ATP13A4: variants seen among roughly 807,000 people sequenced by gnomAD.
ATP13A4 encodes probable cation-transporting ATPase 13A4.
Under a neutral mutation model 142.5 loss-of-function variants are expected in ATP13A4, and 114 were observed. The ratio of observed to expected loss-of-function variants is 0.80; its 90% CI spans 0.69 to 0.93. The LOEUF (loss-of-function observed/expected upper bound fraction) is 0.93. ATP13A4 is among the 40% of genes least tolerant of loss of function. The pLI is 0.00. For synonymous variants in ATP13A4, 488 were observed against 514.8 expected (o/e 0.95, Z 0.70); for missense variants, 1,392 against 1,454.0 (o/e 0.96, Z 0.69).
chr3:193,519,713 C>T (rs1721616309), intron 1 of ATP13A4, among the ~76,000 whole-genome samples: 4 of 138,728 alleles, frequency 2.9e-5, no homozygotes. Context: ...GGCGCAATCT[C>T]GGCTCACTGC....
intron 1 of ATP13A4, among the ~76,000 whole-genome samples, chr3:193,528,134 G>A (rs6799489): frequency 0.016 from 2,370 of 152,324 alleles, 44 homozygotes; most frequent in African/African-American, 0.049. Flanking sequence ...ATTGGTGCAT[G>A]TTGTGCAGAC....
intron 18 of ATP13A4, among the ~76,000 whole-genome samples, chr3:193,446,265 A>G (rs2176996): frequency 0.06 from 9,093 of 152,294 alleles, 485 homozygotes; most frequent in East Asian, 0.18. Flanking sequence ...TAAAAATGGA[A>G]AGACAGAGAA....
intron 2 of ATP13A4, among the ~76,000 whole-genome samples, chr3:193,563,623 G>T (rs967823941): frequency 4.6e-5 from 7 of 152,072 alleles, no homozygotes; most frequent in African/African-American, 1.7e-4. Context: ...GTGTAATTGC[G>T]CCACTGCACT....
At chr3:193,541,569 GA>G (rs748236998) in intron 1 of ATP13A4, among the ~76,000 whole-genome samples, 121 of 152,194 alleles carry the variant, frequency 8.0e-4, no homozygotes, top group Non-Finnish European at 1.3e-3. Context: ...CTGACCATCA[GA>G]TTGGAAATTC....
Position 193,517,629 on chromosome 3 carries a change from C to T in ATP13A4, c.61-2758G>A, listed in dbSNP as rs557976560. Reference sequence around the variant, plus strand: ...CCGAGTAGCTGGGACTACAGGCGCCCGCCACCACGCCCGGCTAATTTTTTT... The same window carrying T: ...CCGAGTAGCTGGGACTACAGGCGCCTGCCACCACGCCCGGCTAATTTTTTT... On this transcript the variant is annotated intron_variant, in intron 1 of 29. Transcript: ENST00000342695. 2.0e-5 allele frequency among the ~76,000 whole-genome samples: 3 copies of T among 152,220 alleles called. No individual in the cohort carries two copies. In the South Asian group the frequency reaches 6.2e-4, roughly 32 times the overall value.
chr3:193,525,918 T>C (rs754120285), intron 1 of ATP13A4, among the ~76,000 whole-genome samples: 3 of 152,122 alleles, frequency 2.0e-5, no homozygotes, highest in Non-Finnish European at 4.4e-5. Flanking sequence ...ATAAAAGAAG[T>C]GAATGGAAAG....
chr3:193,531,331 G>A (rs13322520), intron 1 of ATP13A4, among the ~76,000 whole-genome samples: 2 of 87,216 alleles, frequency 2.3e-5, no homozygotes, highest in Admixed American at 1.2e-4. Flanking sequence ...AGGAAGGAAG[G>A]AAGGAAGGGA....
intron 8 of ATP13A4, among the ~76,000 whole-genome samples, chr3:193,471,282 G>A (rs1017534319): frequency 6.6e-6 from 1 of 152,206 alleles, no homozygotes; most frequent in African/African-American, 2.4e-5. Flanking sequence ...AATATTCCCA[G>A]CTGAGCACAG....
chr3:193,474,883 T>G (rs1259374527), intron 8 of ATP13A4, among the ~76,000 whole-genome samples: 1 of 152,084 alleles, frequency 6.6e-6, no homozygotes, highest in Non-Finnish European at 1.5e-5. Context: ...ATTTAAACTA[T>G]TCTTACAACT....
In ATP13A4 at chr3:193,400,789, G is replaced by T. The variant is rs1389157286; in HGVS notation, c.*1863C>A. 6.6e-6 allele frequency among the ~76,000 whole-genome samples: 1 copy of T among 152,194 alleles called. No homozygotes were observed. ...GGCACATTTAAGTATGAACTGTGCAGGCTGATCTTGCTCATGACTAGGTCA... is the reference window on the plus strand; with the variant it reads ...GGCACATTTAAGTATGAACTGTGCATGCTGATCTTGCTCATGACTAGGTCA... On this transcript the variant is annotated 3_prime_UTR_variant, in exon 30 of 30. Transcript: ENST00000342695.
At chr3:193,443,317 A>C (rs568048865) in intron 18 of ATP13A4, among the ~76,000 whole-genome samples, 40 of 152,356 alleles carry the variant, frequency 2.6e-4, no homozygotes, top group African/African-American at 9.4e-4. Context: ...TGTGGACCAG[A>C]TCCAAAGAAA....
At chr3:193,410,744 T>G (rs113412648) in intron 28 of ATP13A4, among the ~76,000 whole-genome samples, 2,252 of 152,230 alleles carry the variant, frequency 0.015, 61 homozygotes, top group African/African-American at 0.052. Context: ...AAAACAAAAT[T>G]AAAGTATTCA....
At chr3:193,438,035 T>C (rs967225720) in intron 23 of ATP13A4, among the ~76,000 whole-genome samples, 2 of 152,100 alleles carry the variant, frequency 1.3e-5, no homozygotes, top group African/African-American at 4.8e-5. Flanking sequence ...CGTTTCACCA[T>C]GTTAGCCAGG....
rs1306840794 is a variant in ATP13A4 at position 193,530,344 on chromosome 3, G to C, written c.61-15473C>G. Among the ~76,000 whole-genome samples the C allele has an allele frequency of 2.6e-5, 4 of 152,016 alleles. No individual in the cohort carries two copies. The East Asian group carries it at 7.7e-4, about 29-fold the overall frequency. ...AATGTAACTTTGTGAAACCTCCTCAGTCAGAACTAGGTACAGGTTCAAAAC... is the reference window on the plus strand; with the variant it reads ...AATGTAACTTTGTGAAACCTCCTCACTCAGAACTAGGTACAGGTTCAAAAC... On this transcript the variant is annotated intron_variant, in intron 1 of 29. Transcript: ENST00000342695.
intron 12 of ATP13A4, among the ~76,000 whole-genome samples, chr3:193,463,246 A>G (rs940108333): frequency 2.0e-5 from 3 of 152,104 alleles, no homozygotes; most frequent in Non-Finnish European, 4.4e-5. Flanking sequence ...ACAACTTCAG[A>G]GGATTGTTTT....
In ATP13A4 at chr3:193,554,772, C is replaced by A. The variant is rs139996892; in HGVS notation, c.28G>T (p.Ala10Ser). 1.2e-6 allele frequency: 2 copies of A among 1,613,868 alleles called. No individual in the cohort carries two copies. The highest frequency in any genetic ancestry group is 1.7e-6 in the Non-Finnish European group (2 of 1,179,990). MGHFEKGQH[A>S]LLNEGEENEM... ...TTCTCTTCTCCTTCATTGAGCAGAG[C>A]GTGCTGGCCCTTCTCAAAGTGTCCC... The change falls in exon 1 of 30, where the codon GCT (alanine) becomes TCT (serine). Residue 10 changes from alanine to serine, a missense_variant. By Grantham distance (99) the Ala-to-Ser change is moderately conservative (BLOSUM62 1). Transcript: ENST00000342695.
At chr3:193,444,044 C>G (rs1716804822) in intron 18 of ATP13A4, among the ~76,000 whole-genome samples, 1 of 151,832 alleles carries the variant, frequency 6.6e-6, no homozygotes, top group South Asian at 2.1e-4. Context: ...AGAAATTTTC[C>G]CAAGTATGAT....
chr3:193,538,214 A>AT (rs1316149776), intron 1 of ATP13A4, among the ~76,000 whole-genome samples: 3 of 152,248 alleles, frequency 2.0e-5, no homozygotes, highest in South Asian at 2.1e-4. Flanking sequence ...TCTCCAAGTG[A>AT]TTTTTTATAT....
At chr3:193,452,569 T>A (rs889439084) in intron 17 of ATP13A4, among the ~76,000 whole-genome samples, 32 of 135,552 alleles carry the variant, frequency 2.4e-4, no homozygotes, top group African/African-American at 9.6e-4. Context: ...ATTGTGGAAT[T>A]TTTTTTTTTT....
Sources: gnomAD v4.1 joint callset for allele counts (sites outside exome capture counted in the v4.1 genomes callset) on GRCh38, gnomAD v4.1.1 for gene constraint, MANE v1.5 for transcripts, NCBI Gene and HGNC (gene_info 2026-07-23, HGNC 2026-07-21) for gene names.